The following PCNX4 variants were observed in gnomAD, a reference collection of about 807,000 sequenced individuals.
PCNX4 encodes pecanex-like protein 4.
PCNX4 carries 103 observed loss-of-function variants against 107.2 expected under a neutral mutation model. The observed-to-expected ratio is 0.96, with a 90% CI of 0.82 to 1.13. The LOEUF (loss-of-function observed/expected upper bound fraction) is 1.13. Among genes scored for constraint, PCNX4 ranks in the 50% most tolerant of loss-of-function variants. The probability of loss-of-function intolerance (pLI) is 0.00; values close to 1 mark genes in which losing one functional copy is unlikely to be tolerated. For missense variants in PCNX4, 1,528 were observed against 1,379.4 expected, an observed-to-expected ratio of 1.11 and a Z score of -1.71; for synonymous variants, 541 against 481.7, an observed-to-expected ratio of 1.12 and a Z score of -1.61.
intron 1 of PCNX4, among the ~76,000 whole-genome samples, chr14:60,107,062 A>G (rs1442996004): frequency 6.6e-6 from 1 of 152,206 alleles, no homozygotes; most frequent in Admixed American, 6.5e-5. Context: ...TAGATTATAA[A>G]TTAATAAAGA....
At chr14:60,098,267 A>T (rs1343223341) in intron 1 of PCNX4, among the ~76,000 whole-genome samples, 1 of 152,164 alleles carries the variant, frequency 6.6e-6, no homozygotes, top group Non-Finnish European at 1.5e-5. Flanking sequence ...ATGCAGAAAC[A>T]TTCCAAACCT....
chr14:60,099,824 GAGGCTGAGGC>G (rs934228239), intron 1 of PCNX4, among the ~76,000 whole-genome samples: 2 of 152,134 alleles, frequency 1.3e-5, no homozygotes, highest in Non-Finnish European at 2.9e-5. Flanking sequence ...AGCACTTTGG[GAGGCTGAGGC>G]AGGCAGATCT....
At chr14:60,128,811 A>G (rs111523950) in intron 10 of PCNX4, among the ~76,000 whole-genome samples, 1 of 152,242 alleles carries the variant, frequency 6.6e-6, no homozygotes, top group Non-Finnish European at 1.5e-5. Flanking sequence ...AATTGCACAA[A>G]GGAAGGCAGT....
At chr14:60,093,119 T>G (rs2140523334) in intron 1 of PCNX4, among the ~76,000 whole-genome samples, 1 of 152,294 alleles carries the variant, frequency 6.6e-6, no homozygotes, top group South Asian at 2.1e-4. Context: ...GTTTGTAGCA[T>G]CTGTTGGCTG....
chr14:60,093,704 C>A (rs1426730246), intron 1 of PCNX4, among the ~76,000 whole-genome samples: 2 of 152,024 alleles, frequency 1.3e-5, no homozygotes, highest in African/African-American at 2.4e-5. Flanking sequence ...TGGGTGTATA[C>A]CTGAGAGTAG....
intron 1 of PCNX4, among the ~76,000 whole-genome samples, chr14:60,106,105 T>G (rs17096953): frequency 0.025 from 3,866 of 152,204 alleles, 120 homozygotes; most frequent in African/African-American, 0.08. Context: ...CTCTTTCCAT[T>G]CCCTGAGATT....
intron 4 of PCNX4, 50 bp downstream of exon 4, chr14:60,115,511 G>A: frequency 6.7e-7 from 1 of 1,490,700 alleles, no homozygotes; most frequent in Non-Finnish European, 8.9e-7. Flanking sequence ...TATCCTGGAA[G>A]TATTCAAAAA....
rs575649558 is a variant in PCNX4 at position 60,124,538 on chromosome 14, G to A, written c.2367G>A (p.Gly789=). Residue 789 remains glycine (G), a synonymous_variant, in exon 9 of 11, where the codon GGG becomes GGA. Coordinates refer to ENST00000406854, the MANE Select transcript of PCNX4 (RefSeq NM_001330177.2). ...ATGTTCACAACACTGAAAATAAAGG[G>A]AAAGCACCTCTAATGTTGCCTGCTT... The part of the protein sequence containing the change: ...KENVHNTENK[G]KAPLMLPALN... 15 of 1,613,726 alleles carry A rather than the reference G, an allele frequency of 9.3e-6. No individual in the cohort carries two copies. In the East Asian group the frequency reaches 3.3e-4, roughly 36 times the overall value.
rs1422614775 is a variant in PCNX4 at position 60,139,334 on chromosome 14, C to T, written c.*5113C>T. ...CAGGGGACTATGGTGGCTATTGCAA[C>T]ATTATTCAATGTAGACCTTAAGGTG... On this transcript the variant is annotated 3_prime_UTR_variant, in exon 11 of 11. Coordinates refer to ENST00000406854, the MANE Select transcript of PCNX4 (RefSeq NM_001330177.2). 1 of 152,076 alleles carries T rather than the reference C, an allele frequency of 6.6e-6. No homozygotes were observed. The highest frequency in any genetic ancestry group is 1.5e-5 in the Non-Finnish European group (1 of 67,952). The allele number at this position is 152,076 out of a possible 1,614,324, so 9.4% of individuals were successfully genotyped here.
chr14:60,110,023 C>T (rs535033029), intron 2 of PCNX4: 5 of 167,132 alleles, frequency 3.0e-5, no homozygotes, highest in African/African-American at 1.2e-4. Flanking sequence ...GGAACCAGAA[C>T]TTGAAGATTT....
chr14:60,123,201 C>G (rs2140559379), intron 8 of PCNX4, among the ~76,000 whole-genome samples: 1 of 152,208 alleles, frequency 6.6e-6, no homozygotes, highest in East Asian at 1.9e-4. Flanking sequence ...ATCCTTTGTG[C>G]TCTGTGACAT....
intron 1 of PCNX4, among the ~76,000 whole-genome samples, chr14:60,107,100 AG>A (rs2140537829): frequency 6.6e-6 from 1 of 152,316 alleles, no homozygotes; most frequent in South Asian, 2.1e-4. Flanking sequence ...ATAAAAAACA[AG>A]GCTGAGCACA....
chr14:60,131,620 A>G (rs1896156560), intron 10 of PCNX4, among the ~76,000 whole-genome samples: 1 of 152,202 alleles, frequency 6.6e-6, no homozygotes, highest in Non-Finnish European at 1.5e-5. Context: ...AGATGGCAAT[A>G]CTCTCCAAAT....
At chr14:60,117,663 C>T (rs778725256) in intron 6 of PCNX4, among the ~76,000 whole-genome samples, 2 of 152,104 alleles carry the variant, frequency 1.3e-5, no homozygotes, top group African/African-American at 2.4e-5. Context: ...CGGTGGATCA[C>T]GCCTTTAATC....
Position 60,143,602 on chromosome 14 carries a change from T to TA in PCNX4, c.*9382dup, listed in dbSNP as rs1896332397. 1.3e-5 allele frequency: 2 copies of TA among 152,252 alleles called. No individual in the cohort carries two copies. The highest frequency in any genetic ancestry group is 2.9e-5 in the Non-Finnish European group (2 of 68,054). 9.4% of individuals were successfully genotyped at this position (152,252 alleles called of 1,614,324 possible). A position where few individuals can be genotyped will look rare whatever the true frequency, so the allele number is the denominator to read the frequency against. On this transcript the variant is annotated 3_prime_UTR_variant, in exon 11 of 11. Transcript: ENST00000406854. ...AGCGTTGCTTCTTTATTTCTTCACT[T>TA]ATGACTATGCCTCTAGTACATATCC...
chr14:60,142,963 C>T lies in PCNX4; in HGVS notation c.*8742C>T, dbSNP rs1004736093. 3 of 151,196 alleles carry T rather than the reference C, an allele frequency of 2.0e-5. No individual in the cohort carries two copies. Among genetic ancestry groups the T allele is most frequent in the Non-Finnish European group, 4.4e-5 (3 of 67,962 alleles). The allele number at this position is 151,196 out of a possible 1,614,324, so 9.4% of individuals were successfully genotyped here. A position where few individuals can be genotyped will look rare whatever the true frequency, so the allele number is the denominator to read the frequency against. Reference sequence around the variant, plus strand: ...TGGGCGACACAGTAAGACTCCATCTCCAAAAGAAAGAAAGAAAGAAAGAAA... The same window carrying T: ...TGGGCGACACAGTAAGACTCCATCTTCAAAAGAAAGAAAGAAAGAAAGAAA... On this transcript the variant is annotated 3_prime_UTR_variant, in exon 11 of 11. Coordinates refer to ENST00000406854, the MANE Select transcript of PCNX4 (RefSeq NM_001330177.2). The surrounding 1 kb of genome is among the most constrained non-coding windows in gnomAD (Gnocchi z 4.7).
intron 2 of PCNX4, chr14:60,110,670 C>G (rs1387356382): frequency 1.8e-5 from 3 of 167,050 alleles, no homozygotes; most frequent in Non-Finnish European, 4.4e-5. Flanking sequence ...GGAATTTTGC[C>G]TCAGGATGGA....
At chr14:60,123,694 A>G (rs1453797935) in intron 8 of PCNX4, among the ~76,000 whole-genome samples, 2 of 152,142 alleles carry the variant, frequency 1.3e-5, no homozygotes, top group Non-Finnish European at 2.9e-5. Context: ...CACTACTGAC[A>G]TAGCAGTAAC....
chr14:60,127,424 T>G (rs1335419855), intron 10 of PCNX4, among the ~76,000 whole-genome samples: 2 of 152,122 alleles, frequency 1.3e-5, no homozygotes, highest in South Asian at 2.1e-4. Context: ...CAGTGGAGCT[T>G]AATAGCTGGG....
Sources: gnomAD v4.1 joint callset for allele counts (sites outside exome capture counted in the v4.1 genomes callset) on GRCh38, gnomAD v4.1.1 for gene constraint, Gnocchi (gnomAD v3.1) non-coding constraint, MANE v1.5 for transcripts, NCBI Gene and HGNC (gene_info 2026-07-23, HGNC 2026-07-21) for gene names.